Variants in NEO1 observed in about 807,000 individuals in gnomAD.
NEO1 encodes neogenin 1, also known as neogenin.
A neutral mutation model predicts 159.7 loss-of-function variants in NEO1; 63 were observed. The observed-to-expected ratio is 0.39, with a 90% CI of 0.32 to 0.49. NEO1 has a LOEUF of 0.49. Among genes scored for constraint, NEO1 ranks in the 20% least tolerant of loss-of-function variants. The pLI, the probability that NEO1 is intolerant of heterozygous loss-of-function variation, is 0.85. For synonymous variants in NEO1, 633 were observed against 662.0 expected (o/e 0.96, Z 0.67); for missense variants, 1,615 against 1,831.0 (o/e 0.88, Z 2.15).
At chr15:73,276,221 C>A (rs1454027657) in intron 21 of NEO1, among the ~76,000 whole-genome samples, 1 of 152,140 alleles carries the variant, frequency 6.6e-6, no homozygotes, top group Non-Finnish European at 1.5e-5. Context: ...CTCAGTTCAT[C>A]CTTGGAATTT....
intron 1 of NEO1, among the ~76,000 whole-genome samples, chr15:73,081,582 G>GTT (rs960256922): frequency 6.8e-6 from 1 of 146,088 alleles, no homozygotes. Context: ...TAAGTGTTTT[G>GTT]TTTTTTTTTT....
chr15:73,286,065 C>T lies in NEO1; in HGVS notation c.3411-2248C>T, dbSNP rs987777842. On this transcript the variant is annotated intron_variant, in intron 23 of 28. Coordinates refer to ENST00000261908, the MANE Select transcript of NEO1 (RefSeq NM_002499.4). ...GCTTAAGGAATAATTATAATTATAA[C>T]CTCACCCCCACCCCCACCCCCTGTA... Among the ~76,000 whole-genome samples the T allele has an allele frequency of 1.7e-4, 21 of 123,336 alleles. 1 individual carries two copies. The highest frequency in any genetic ancestry group is 5.1e-4 in the African/African-American group (18 of 35,232). 80.9% of individuals were successfully genotyped at this position (123,336 alleles called of 152,430 possible).
intron 7 of NEO1, among the ~76,000 whole-genome samples, chr15:73,191,208 A>T (rs993733254): frequency 6.6e-6 from 1 of 152,102 alleles, no homozygotes; most frequent in African/African-American, 2.4e-5. Context: ...TAACCTCTCT[A>T]TGCATCAGTT....
chr15:73,268,802 G>A (rs2041033425), intron 16 of NEO1, among the ~76,000 whole-genome samples: 1 of 152,140 alleles, frequency 6.6e-6, no homozygotes, highest in African/African-American at 2.4e-5. Context: ...TGCTCATTCT[G>A]GCCTCAGAGA....
chr15:73,153,054 C>T (rs920105560), intron 5 of NEO1, among the ~76,000 whole-genome samples: 5 of 152,152 alleles, frequency 3.3e-5, no homozygotes, highest in African/African-American at 1.2e-4. Context: ...GCTGGAGAGT[C>T]AGTGGTTTAA....
chr15:73,202,273 T>C (rs1260145597), intron 7 of NEO1, among the ~76,000 whole-genome samples: 2 of 152,124 alleles, frequency 1.3e-5, no homozygotes, highest in Non-Finnish European at 2.9e-5. Flanking sequence ...TCCCTTTACT[T>C]TTTTTGTAAC....
At chr15:73,110,509 A>G (rs2151572514) in intron 1 of NEO1, among the ~76,000 whole-genome samples, 1 of 152,300 alleles carries the variant, frequency 6.6e-6, no homozygotes, top group South Asian at 2.1e-4. Flanking sequence ...CACAATTAAG[A>G]CATGCACCGA....
chr15:73,273,790 C>A, intron 19 of NEO1, 21 bp from the exon 20 acceptor site: 1 of 1,578,508 alleles, frequency 6.3e-7, no homozygotes, highest in South Asian at 1.2e-5. Flanking sequence ...GATTTCTTTT[C>A]CCATTAATTC....
At chr15:73,152,881 CTTGAGAGGGTGTT>C (rs1309532244) in intron 5 of NEO1, among the ~76,000 whole-genome samples, 1 of 152,044 alleles carries the variant, frequency 6.6e-6, no homozygotes, top group Non-Finnish European at 1.5e-5. Flanking sequence ...AAAAATGCAG[CTTGAGAGGGTGTT>C]TTTGAAACTG....
intron 9 of NEO1, among the ~76,000 whole-genome samples, chr15:73,245,613 C>T (rs374134625): frequency 4.0e-5 from 6 of 149,760 alleles, no homozygotes; most frequent in African/African-American, 7.4e-5. Flanking sequence ...CTCGCTCTGT[C>T]GCCCAGGCTG....
Position 73,249,614 on chromosome 15 carries a change from T to C in NEO1, c.1787T>C (p.Ile596Thr). 2.5e-6 allele frequency: 4 copies of C among 1,613,486 alleles called. No individual in the cohort carries two copies. The highest frequency in any genetic ancestry group is 3.4e-6 in the Non-Finnish European group (4 of 1,179,764). Residue 596 changes from isoleucine to threonine, a missense_variant, in exon 11 of 29, where the codon ATT (isoleucine) becomes ACT (threonine). This residue lies in a region of NEO1 where 1,018 missense variants were observed against 1,115.4 expected (regional missense o/e 0.91). Transcript: ENST00000261908. Reference sequence around the variant, plus strand: ...GATGTTTCAAGTCACTCTTACACCATTAATGGGTTGAAAAAATATACAGAG... The same window carrying C: ...GATGTTTCAAGTCACTCTTACACCACTAATGGGTTGAAAAAATATACAGAG... ...DVDVSSHSYT[I>T]NGLKKYTEYS...
intron 25 of NEO1, 49 bp downstream of exon 25, chr15:73,289,287 T>C: frequency 8.2e-6 from 12 of 1,465,558 alleles, no homozygotes; most frequent in East Asian, 6.9e-5. Flanking sequence ...TGTTCAGTCA[T>C]GTAGGGGAAC....
intron 7 of NEO1, among the ~76,000 whole-genome samples, chr15:73,224,719 T>A (rs917587757): frequency 6.6e-6 from 1 of 152,214 alleles, no homozygotes; most frequent in Non-Finnish European, 1.5e-5. Context: ...TTGTATCATT[T>A]TTTGGATTTC....
At chr15:73,059,798 A>G (rs1182468003) in intron 1 of NEO1, among the ~76,000 whole-genome samples, 1 of 152,170 alleles carries the variant, frequency 6.6e-6, no homozygotes, top group East Asian at 1.9e-4. Flanking sequence ...GGAGTTATAT[A>G]TCATTTCCTC....
chr15:73,197,810 A>G (rs972385634), intron 7 of NEO1, among the ~76,000 whole-genome samples: 1 of 151,076 alleles, frequency 6.6e-6, no homozygotes, highest in East Asian at 2.0e-4. Context: ...CCTCCCAAGT[A>G]GCTAGGATTA....
intron 4 of NEO1, among the ~76,000 whole-genome samples, chr15:73,135,256 G>T (rs1254018369): frequency 6.6e-6 from 1 of 152,124 alleles, no homozygotes; most frequent in Non-Finnish European, 1.5e-5. Context: ...GAGTTGGCCA[G>T]TATTCATCAA....
chr15:73,069,091 C>T (rs2068385188), intron 1 of NEO1, among the ~76,000 whole-genome samples: 1 of 150,518 alleles, frequency 6.6e-6, no homozygotes, highest in African/African-American at 2.4e-5. Flanking sequence ...GTAGCTGGGA[C>T]TACAGTCATG....
intron 1 of NEO1, among the ~76,000 whole-genome samples, chr15:73,082,879 G>C (rs1252572604): frequency 6.6e-6 from 1 of 152,158 alleles, no homozygotes; most frequent in African/African-American, 2.4e-5. Context: ...TAGTGTATCA[G>C]AGAAAGCTTC....
chr15:73,223,589 T>C (rs558216596), intron 7 of NEO1, among the ~76,000 whole-genome samples: 5 of 152,232 alleles, frequency 3.3e-5, no homozygotes, highest in Non-Finnish European at 5.9e-5. Context: ...TTGTCTGATA[T>C]AAGAATAGCT....
Sources: gnomAD v4.1 joint callset for allele counts (sites outside exome capture counted in the v4.1 genomes callset) on GRCh38, gnomAD v4.1.1 for gene constraint, gnomAD v4.1.1 regional missense constraint, MANE v1.5 for transcripts, NCBI Gene and HGNC (gene_info 2026-07-23, HGNC 2026-07-21) for gene names.